The following CNTNAP5 variants were observed in gnomAD, a reference collection of about 807,000 sequenced individuals.
CNTNAP5 encodes the protein contactin-associated protein-like 5.
A neutral mutation model predicts 150.2 loss-of-function variants in CNTNAP5; 72 were observed. That is an observed-to-expected ratio of 0.48 (90% CI 0.40 to 0.58). The LOEUF (loss-of-function observed/expected upper bound fraction) is 0.58, where lower values mean the gene tolerates loss of function less well. CNTNAP5 is among the 20% of genes least tolerant of loss of function. CNTNAP5 has a pLI of 0.00. For synonymous variants in CNTNAP5, 672 were observed against 619.8 expected (o/e 1.08, Z -1.25); for missense variants, 1,636 against 1,626.2 (o/e 1.01, Z -0.10).
At chr2:124,781,106 CT>C (rs1011250550) in intron 17 of CNTNAP5, among the ~76,000 whole-genome samples, 37 of 152,270 alleles carry the variant, frequency 2.4e-4, no homozygotes, top group African/African-American at 8.4e-4. Flanking sequence ...GTCCTTCATC[CT>C]TTTTTCCCCA....
At position 124,221,718 on chromosome 2, in the gene CNTNAP5, T is replaced by A; in HGVS notation, c.96T>A (p.Asp32Glu). Reference protein sequence around the residue: ...GLTATNYNCDDPLASLLSPMA... With the variant: ...GLTATNYNCDEPLASLLSPMA... ...CTATCATTATAGACAACTGTGATGA[T>A]CCACTAGCATCCCTGCTCTCTCCAA... The change falls in exon 2 of 24, where the codon GAT (aspartate) becomes GAA (glutamate). Residue 32 changes from aspartate (D) to glutamate (E), a missense_variant. Coordinates refer to ENST00000682447, the MANE Select transcript of CNTNAP5 (RefSeq NM_001367498.1). 6.2e-7 allele frequency: 1 copy of A among 1,608,910 alleles called. No homozygotes were observed. Among genetic ancestry groups the A allele is most frequent in the Non-Finnish European group, 8.5e-7 (1 of 1,176,526 alleles).
chr2:124,650,130 T>C (rs1020883395), intron 13 of CNTNAP5, among the ~76,000 whole-genome samples: 6 of 152,178 alleles, frequency 3.9e-5, no homozygotes, highest in African/African-American at 1.4e-4. Flanking sequence ...CATGAGGGTC[T>C]TCATTAATCG....
At chr2:124,195,236 G>C (rs767129683) in intron 1 of CNTNAP5, among the ~76,000 whole-genome samples, 7 of 152,186 alleles carry the variant, frequency 4.6e-5, no homozygotes, top group African/African-American at 1.7e-4. Context: ...GTGGCAGGGA[G>C]AGCAGACGTG....
chr2:124,062,485 A>T (rs1484788939), intron 1 of CNTNAP5, among the ~76,000 whole-genome samples: 4 of 152,208 alleles, frequency 2.6e-5, no homozygotes, highest in Non-Finnish European at 4.4e-5. Context: ...TGCATATGCA[A>T]TGTGTGGAAC....
intron 4 of CNTNAP5, among the ~76,000 whole-genome samples, chr2:124,430,857 T>G (rs890608482): frequency 6.6e-6 from 1 of 152,218 alleles, no homozygotes; most frequent in African/African-American, 2.4e-5. Flanking sequence ...CTTTATGCTG[T>G]GCTTGAAAAT....
intron 10 of CNTNAP5, among the ~76,000 whole-genome samples, chr2:124,542,525 C>T (rs2104907733): frequency 6.6e-6 from 1 of 152,048 alleles, no homozygotes; most frequent in East Asian, 1.9e-4. Context: ...TGCCTTCCAG[C>T]CTCCAGGCAC....
At chr2:124,287,833 CT>C (rs1322511076) in intron 3 of CNTNAP5, among the ~76,000 whole-genome samples, 6 of 152,122 alleles carry the variant, frequency 3.9e-5, no homozygotes, top group African/African-American at 1.4e-4. Context: ...AAAGCTACAT[CT>C]TTTTTGCTTT....
At chr2:124,221,942 G>T in intron 2 of CNTNAP5, 133 bp downstream of exon 2, 2 of 631,924 alleles carry the variant, frequency 3.2e-6, no homozygotes, top group Non-Finnish European at 5.6e-6. Flanking sequence ...TACGAGGAGA[G>T]GAGTGAAAAT....
intron 3 of CNTNAP5, among the ~76,000 whole-genome samples, chr2:124,299,455 T>A (rs1165628377): frequency 6.6e-6 from 1 of 152,234 alleles, no homozygotes; most frequent in Non-Finnish European, 1.5e-5. Flanking sequence ...TTTCTGTTCC[T>A]GCGTTAGTTT....
intron 8 of CNTNAP5, among the ~76,000 whole-genome samples, chr2:124,520,296 T>C (rs1694822242): frequency 6.6e-6 from 1 of 152,228 alleles, no homozygotes. Context: ...ATTTTTGCTA[T>C]TGTAAATAAT....
chr2:124,814,626 C>T (rs1682310502), intron 19 of CNTNAP5, among the ~76,000 whole-genome samples: 1 of 151,728 alleles, frequency 6.6e-6, no homozygotes, highest in African/African-American at 2.4e-5. Flanking sequence ...ACTAATGGTT[C>T]ATCTTCAAAA....
intron 1 of CNTNAP5, among the ~76,000 whole-genome samples, chr2:124,058,267 G>T (rs756289928): frequency 1.3e-5 from 2 of 152,090 alleles, no homozygotes; most frequent in East Asian, 3.9e-4. Flanking sequence ...GTTATATAAG[G>T]TTTTGCATAA....
intron 7 of CNTNAP5, among the ~76,000 whole-genome samples, chr2:124,476,692 G>A (rs550777586): frequency 6.6e-6 from 1 of 152,230 alleles, no homozygotes; most frequent in African/African-American, 2.4e-5. Context: ...GAGAGTCCCA[G>A]ATTGATCTTC....
intron 19 of CNTNAP5, among the ~76,000 whole-genome samples, chr2:124,799,037 A>G (rs536290024): frequency 2.6e-5 from 4 of 152,294 alleles, no homozygotes; most frequent in African/African-American, 9.6e-5. Flanking sequence ...TGCTAAATAA[A>G]AGGATTATTT....
intron 17 of CNTNAP5, among the ~76,000 whole-genome samples, chr2:124,777,131 T>C (rs1681341202): frequency 6.7e-6 from 1 of 148,312 alleles, no homozygotes; most frequent in East Asian, 2.0e-4. Context: ...CACTCAAAAA[T>C]GCTTCTTTAG....
intron 3 of CNTNAP5, among the ~76,000 whole-genome samples, chr2:124,346,409 C>CT (rs1478837810): frequency 1.3e-5 from 2 of 151,954 alleles, no homozygotes; most frequent in African/African-American, 2.4e-5. Flanking sequence ...AATAGTGCAC[C>CT]TTTTTTCAAA....
intron 7 of CNTNAP5, among the ~76,000 whole-genome samples, chr2:124,500,713 G>A (rs1298248193): frequency 6.6e-6 from 1 of 151,804 alleles, no homozygotes; most frequent in Non-Finnish European, 1.5e-5. Flanking sequence ...ACATTGTCTG[G>A]GGATCCCTAG....
At chr2:124,775,648 G>A in intron 17 of CNTNAP5, among the ~76,000 whole-genome samples, 1 of 152,130 alleles carries the variant, frequency 6.6e-6, no homozygotes, top group East Asian at 1.9e-4. Context: ...TGATACATGA[G>A]TCAATGCATA....
At chr2:124,217,550 G>A (rs1039326406) in intron 1 of CNTNAP5, among the ~76,000 whole-genome samples, 6 of 152,242 alleles carry the variant, frequency 3.9e-5, no homozygotes, top group South Asian at 2.1e-4. Context: ...GAATGAAGGC[G>A]CAATGTCATC....
Sources: gnomAD v4.1 joint callset for allele counts (sites outside exome capture counted in the v4.1 genomes callset) on GRCh38, gnomAD v4.1.1 for gene constraint, MANE v1.5 for transcripts, NCBI Gene and HGNC (gene_info 2026-07-23, HGNC 2026-07-21) for gene names.